The following IPP variants were observed in gnomAD, a reference collection of about 807,000 sequenced individuals.
IPP encodes the protein actin-binding protein IPP.
Under a neutral mutation model 64.1 loss-of-function variants are expected in IPP, and 41 were observed. The observed-to-expected ratio is 0.64, with a 90% CI of 0.50 to 0.83. IPP has a LOEUF of 0.83. Among genes scored for constraint, IPP ranks in the 40% least tolerant of loss-of-function variants. IPP has a pLI of 0.00. For synonymous variants in IPP, 214 were observed against 235.2 expected (o/e 0.91, Z 0.83); for missense variants, 649 against 703.0 (o/e 0.92, Z 0.87).
chr1:45,739,605 TA>T (rs1330260359), intron 3 of IPP, among the ~76,000 whole-genome samples: 2 of 151,902 alleles, frequency 1.3e-5, no homozygotes, highest in Non-Finnish European at 2.9e-5. Flanking sequence ...AATATAAACA[TA>T]AAAACTATTT....
At position 45,741,076 on chromosome 1, in the gene IPP, C is replaced by T. The variant is rs1349599731; in HGVS notation, c.549G>A (p.Leu183=). The T allele has an allele frequency of 6.8e-6, 11 of 1,614,116 alleles. No individual in the cohort carries two copies. The highest frequency in any genetic ancestry group is 9.3e-6 in the Non-Finnish European group (11 of 1,180,000). The change falls in exon 3 of 9, where the codon CTG becomes CTA. Residue 183 remains leucine, a synonymous_variant. Transcript: ENST00000396478. ...GCTCTTCACTTCGCAAAATTTTGATCAGCTGATCTTTCGTAAGTGCCAGGA... is the reference window on the plus strand; with the variant it reads ...GCTCTTCACTTCGCAAAATTTTGATTAGCTGATCTTTCGTAAGTGCCAGGA... ...EEFLALTKDQ[L]IKILRSEELS...
At position 45,711,035 on chromosome 1, in the gene IPP, A is replaced by C. The variant is rs117134069; in HGVS notation, c.1530+3211T>G. On this transcript the variant is annotated intron_variant, in intron 8 of 8. Transcript: ENST00000396478. ...CTCCGTCTCAAAACAAACAAACAAA[A>C]AAAAAAAGACCACAACTGGCTGGGT... Among the ~76,000 whole-genome samples the C allele has an allele frequency of 7.2e-3, 1,076 of 148,568 alleles. 5 individuals are homozygous for C. The highest frequency in any genetic ancestry group is 0.027 in the East Asian group (136 of 4,962).
Position 45,699,715 on chromosome 1 carries a change from T to C in IPP, c.*251A>G. Reference sequence around the variant, plus strand: ...TCTCATTCTGTTGCCCAGAGTGGAGTGCAGTGGCATGATCGTAGCTTACTA... The same window carrying C: ...TCTCATTCTGTTGCCCAGAGTGGAGCGCAGTGGCATGATCGTAGCTTACTA... On this transcript the variant is annotated 3_prime_UTR_variant, in exon 9 of 9. Transcript: ENST00000396478. The C allele has an allele frequency of 8.7e-7, 1 of 1,152,936 alleles. No homozygotes were observed. 71.4% of individuals were successfully genotyped at this position (1,152,936 alleles called of 1,614,324 possible).
Position 45,699,860 on chromosome 1 carries a change from A to T in IPP, c.*106T>A. The T allele has an allele frequency of 6.6e-7, 1 of 1,516,120 alleles. No individual in the cohort carries two copies. The highest frequency in any genetic ancestry group is 1.3e-5 in the South Asian group (1 of 75,990). The allele number at this position is 1,516,120 out of a possible 1,614,324, so 93.9% of individuals were successfully genotyped here. On this transcript the variant is annotated 3_prime_UTR_variant, in exon 9 of 9. Transcript: ENST00000396478. ...GTCATTTATCTACCAAATACATGGA[A>T]AACTCACAGAATCAGAGGGTCTTAT... is the stretch of plus-strand genomic sequence containing the variant.
At chr1:45,731,886 A>G (rs1645910940) in intron 3 of IPP, among the ~76,000 whole-genome samples, 1 of 151,478 alleles carries the variant, frequency 6.6e-6, no homozygotes, top group African/African-American at 2.4e-5. Context: ...CGGTGAGCCA[A>G]TATCACGGCC....
chr1:45,702,208 T>TTCTTTC (rs1332156280), intron 8 of IPP, among the ~76,000 whole-genome samples: 7 of 152,202 alleles, frequency 4.6e-5, no homozygotes, highest in Non-Finnish European at 7.3e-5. Flanking sequence ...TCTACCAGTG[T>TTCTTTC]ATTAGAACTA....
At chr1:45,719,640 AT>A (rs1252396092) in intron 5 of IPP, among the ~76,000 whole-genome samples, 1 of 152,086 alleles carries the variant, frequency 6.6e-6, no homozygotes, top group Non-Finnish European at 1.5e-5. Context: ...ACACTTCTAT[AT>A]TTTTTTTCAC....
intron 8 of IPP, among the ~76,000 whole-genome samples, chr1:45,711,525 G>A (rs1645590760): frequency 6.6e-6 from 1 of 152,076 alleles, no homozygotes; most frequent in South Asian, 2.1e-4. Flanking sequence ...AGGCCAAGGT[G>A]GGCAGATCAC....
At chr1:45,725,022 G>A (rs1445698817) in intron 5 of IPP, among the ~76,000 whole-genome samples, 10 of 146,140 alleles carry the variant, frequency 6.8e-5, no homozygotes, top group East Asian at 4.2e-4. Context: ...AGGTGGGGGG[G>A]TCAGCCCCCC....
intron 5 of IPP, among the ~76,000 whole-genome samples, chr1:45,721,030 C>T (rs1439701796): frequency 6.6e-6 from 1 of 152,018 alleles, no homozygotes; most frequent in Admixed American, 6.6e-5. Flanking sequence ...TCAAAGGATA[C>T]CATAAAGAGA....
chr1:45,705,693 C>CT (rs1645504545), intron 8 of IPP, among the ~76,000 whole-genome samples: 1 of 152,154 alleles, frequency 6.6e-6, no homozygotes, highest in Non-Finnish European at 1.5e-5. Context: ...GTAATCTCAG[C>CT]TACCTGGGAG....
rs964448133 is a variant in IPP at position 45,742,710 on chromosome 1, GT to G, written c.293-1379del. On this transcript the variant is annotated intron_variant, in intron 2 of 8. Transcript: ENST00000396478. The stretch of plus-strand genomic sequence containing the variant: ...CACCATGATCGGCTAATTTTCTGTG[GT>G]TTTTTTTTTAGAGACAGGGTTTTGC... 1.6e-4 allele frequency among the ~76,000 whole-genome samples: 24 copies of G among 146,814 alleles called. No individual in the cohort carries two copies. In the East Asian group the frequency reaches 3.2e-3, roughly 19 times the overall value.
chr1:45,740,396 C>T (rs1235899079), intron 3 of IPP, among the ~76,000 whole-genome samples: 11 of 152,146 alleles, frequency 7.2e-5, no homozygotes, highest in Non-Finnish European at 1.5e-4. Context: ...CCAGTAGGGG[C>T]GGCCGGGCAG....
intron 3 of IPP, among the ~76,000 whole-genome samples, chr1:45,732,088 G>A (rs544048228): frequency 2.0e-5 from 3 of 152,128 alleles, no homozygotes; most frequent in Admixed American, 1.3e-4. Context: ...GGCCAGGCAC[G>A]GTGTCTCATG....
chr1:45,702,325 C>T (rs912227583), intron 8 of IPP, among the ~76,000 whole-genome samples: 1 of 150,898 alleles, frequency 6.6e-6, no homozygotes, highest in Non-Finnish European at 1.5e-5. Flanking sequence ...AAAAAAAACT[C>T]TGTAAGAACA....
At chr1:45,698,374 C>T (rs1055810426), downstream of IPP, among the ~76,000 whole-genome samples, 3 of 152,180 alleles carry the variant, frequency 2.0e-5, no homozygotes, top group African/African-American at 4.8e-5. Context: ...TAAAAGTAAC[C>T]GCATCATACA....
intron 8 of IPP, among the ~76,000 whole-genome samples, chr1:45,706,048 A>T (rs1452586312): frequency 6.6e-6 from 1 of 152,134 alleles, no homozygotes; most frequent in Non-Finnish European, 1.5e-5. Context: ...CTTTGACTGA[A>T]TACTACTAAT....
rs981914912 is a variant in IPP at position 45,746,033 on chromosome 1, G to A, written c.292+87C>T. On this transcript the variant is annotated intron_variant, in intron 2 of 8. Coordinates refer to ENST00000396478, the MANE Select transcript of IPP (RefSeq NM_005897.3). The stretch of plus-strand genomic sequence containing the variant: ...TAACATGTTGCTAAATTACCTTCTA[G>A]ATAAGTTAGATCAATTTATATTTCC... 6 of 1,140,750 alleles carry A rather than the reference G, an allele frequency of 5.3e-6. No homozygotes were observed. In the African/African-American group the frequency reaches 9.3e-5, roughly 18 times the overall value. 70.7% of individuals were successfully genotyped at this position (1,140,750 alleles called of 1,614,324 possible).
chr1:45,716,968 A>G lies in IPP; in HGVS notation c.1236T>C (p.Pro412=), dbSNP rs202066539. 92 of 1,613,324 alleles carry G rather than the reference A, an allele frequency of 5.7e-5. No individual in the cohort carries two copies. The East Asian group carries it at 2.0e-3, about 36-fold the overall frequency. The part of the protein sequence containing the change: ...EIGNTIERFD[P]DENKWEVVGN... ...CAACTACTTCCCATTTATTTTCATC[A>G]GGATCAAATCGTTCAATGGTGTTCC... The change falls in exon 7 of 9, where the codon CCT becomes CCC. Residue 412 remains proline (P), a synonymous_variant. Transcript: ENST00000396478.
Sources: allele counts gnomAD v4.1 joint callset (sites outside exome capture counted in the v4.1 genomes callset), GRCh38; gene constraint gnomAD v4.1.1; transcripts MANE v1.5; gene names NCBI Gene and HGNC (gene_info 2026-07-23, HGNC 2026-07-21).